Variants in STK3 observed in about 807,000 individuals in gnomAD.
The protein encoded by STK3 is serine/threonine-protein kinase 3.
In STK3, 41 loss-of-function variants were observed where a neutral mutation model predicts 58.0. The ratio of observed to expected loss-of-function variants is 0.71; its 90% CI spans 0.55 to 0.92. STK3 has a LOEUF of 0.92. STK3 is among the 40% of genes least tolerant of loss of function. STK3 has a pLI of 0.00. For missense variants in STK3, 479 were observed against 602.7 expected (o/e 0.79, Z 2.15); for synonymous variants, 170 against 191.0 (o/e 0.89, Z 0.91).
chr8:98,410,076 A>C (rs1336105531), intron 3 of STK3, among the ~76,000 whole-genome samples: 1 of 152,170 alleles, frequency 6.6e-6, no homozygotes, highest in East Asian at 1.9e-4. Flanking sequence ...AAAGGGGAAA[A>C]ATTAAAAACC....
At chr8:98,479,961 C>CT (rs1333966843) in intron 10 of STK3, among the ~76,000 whole-genome samples, 1 of 151,922 alleles carries the variant, frequency 6.6e-6, no homozygotes, top group Admixed American at 6.6e-5. Flanking sequence ...AAATAAAAAG[C>CT]TTACTGGATA....
intron 10 of STK3, among the ~76,000 whole-genome samples, chr8:98,497,804 C>A (rs1823254425): frequency 6.6e-6 from 1 of 152,060 alleles, no homozygotes; most frequent in African/African-American, 2.4e-5. Flanking sequence ...GCAAGTGTTG[C>A]GAGGATGTAG....
At chr8:98,882,941 C>G (rs1837852563), downstream of STK3, 1 of 152,180 alleles carries the variant, frequency 6.6e-6, no homozygotes. Flanking sequence ...TAAGCCTTAT[C>G]TGGGAACCAC....
chr8:98,600,254 A>G (rs1215475451), intron 6 of STK3, among the ~76,000 whole-genome samples: 3 of 152,198 alleles, frequency 2.0e-5, no homozygotes, highest in South Asian at 2.1e-4. Flanking sequence ...AGCAAATAAG[A>G]GAACCAGCTC....
Position 98,428,162 on chromosome 8 carries a change from C to T in STK3, n.483+5965G>A, listed in dbSNP as rs903547147. The T allele has an allele frequency of 1.2e-6, 2 of 1,614,110 alleles. No homozygotes were observed. Among genetic ancestry groups the T allele is most frequent in the East Asian group, 2.2e-5 (1 of 44,866 alleles). ...AGGCCATTCTGGAGCTCTGCGATGA[C>T]TACGACGACGTCCAGCGGGAGTTCT... On this transcript the variant is annotated intron_variant and non_coding_transcript_variant, in intron 3 of 3. Transcript: ENST00000517832. The surrounding 1 kb of genome is among the most constrained non-coding windows in gnomAD (Gnocchi z 6.7).
At chr8:98,743,520 C>T (rs1348514955) in intron 4 of STK3, among the ~76,000 whole-genome samples, 1 of 152,144 alleles carries the variant, frequency 6.6e-6, no homozygotes, top group Non-Finnish European at 1.5e-5. Flanking sequence ...GCTGGGAAAA[C>T]TGGCTAGCGA....
chr8:98,765,498 A>G (rs547655382), intron 3 of STK3, among the ~76,000 whole-genome samples: 1 of 152,272 alleles, frequency 6.6e-6, no homozygotes, highest in South Asian at 2.1e-4. Context: ...CCCTGAATTG[A>G]TAAGGGGAGA....
At chr8:98,470,465 C>T (rs1465156072) in intron 10 of STK3, among the ~76,000 whole-genome samples, 1 of 152,178 alleles carries the variant, frequency 6.6e-6, no homozygotes, top group Non-Finnish European at 1.5e-5. Flanking sequence ...TGTTCACTGC[C>T]TCATCTCACC....
chr8:98,740,991 A>C (rs1331363615), intron 4 of STK3, among the ~76,000 whole-genome samples: 2 of 152,190 alleles, frequency 1.3e-5, no homozygotes, highest in Non-Finnish European at 2.9e-5. Context: ...ATCAAAAGAG[A>C]CAAAGAAGGC....
At chr8:98,573,638 T>C (rs1813146298) in intron 8 of STK3, among the ~76,000 whole-genome samples, 1 of 151,994 alleles carries the variant, frequency 6.6e-6, no homozygotes, top group Non-Finnish European at 1.5e-5. Context: ...CAATCATGCC[T>C]TTCCAACAGT....
chr8:98,714,576 G>T (rs576136520), intron 4 of STK3, among the ~76,000 whole-genome samples: 4 of 152,062 alleles, frequency 2.6e-5, no homozygotes, highest in African/African-American at 9.7e-5. Context: ...AACTTACAAG[G>T]GACATGAAGG....
At chr8:98,906,215 C>T (rs1838893451) in intron 1 of STK3, 2 of 152,662 alleles carry the variant, frequency 1.3e-5, no homozygotes, top group Admixed American at 1.3e-4. Flanking sequence ...AAAAACAGGG[C>T]AGCACCATGA....
chr8:98,849,054 G>A (rs748455600), intron 3 of STK3, among the ~76,000 whole-genome samples: 25 of 151,922 alleles, frequency 1.6e-4, no homozygotes, highest in South Asian at 1.0e-3. Context: ...GTGAAACCCC[G>A]TCTCTACTAA....
chr8:98,916,315 G>A (rs1409806824), intron 1 of STK3, among the ~76,000 whole-genome samples: 1 of 152,192 alleles, frequency 6.6e-6, no homozygotes, highest in Non-Finnish European at 1.5e-5. Flanking sequence ...TTGGGAGGCT[G>A]AGACAGGAGA....
the STK3 span, among the ~76,000 whole-genome samples, chr8:98,358,955 G>A: frequency 6.6e-6 from 1 of 152,106 alleles, no homozygotes; most frequent in African/African-American, 2.4e-5. Flanking sequence ...ACATGCTCAT[G>A]GAATCCAAGC....
At chr8:98,792,495 G>A (rs777346308) in intron 1 of STK3, among the ~76,000 whole-genome samples, 3 of 152,116 alleles carry the variant, frequency 2.0e-5, no homozygotes, top group Non-Finnish European at 4.4e-5. Context: ...TTGGGAGTTC[G>A]AGACCAGGCT....
chr8:98,608,708 T>A (rs1816951048), intron 6 of STK3, among the ~76,000 whole-genome samples: 1 of 152,180 alleles, frequency 6.6e-6, no homozygotes, highest in South Asian at 2.1e-4. Context: ...CTAAAAAATA[T>A]ACCTGGTCCT....
intron 10 of STK3, among the ~76,000 whole-genome samples, chr8:98,486,595 G>A (rs1385252669): frequency 6.6e-6 from 1 of 152,128 alleles, no homozygotes; most frequent in Non-Finnish European, 1.5e-5. Context: ...AGGACCCAGT[G>A]GTATCATTTG....
intron 2 of STK3, among the ~76,000 whole-genome samples, chr8:98,767,988 C>T (rs1201095096): frequency 6.6e-6 from 1 of 152,216 alleles, no homozygotes; most frequent in African/African-American, 2.4e-5. Context: ...GTCTAATAGT[C>T]ACTTGCCCAA....
Sources: allele counts gnomAD v4.1 joint callset (sites outside exome capture counted in the v4.1 genomes callset), GRCh38; gene constraint gnomAD v4.1.1; non-coding constraint Gnocchi (gnomAD v3.1); transcripts MANE v1.5; gene names NCBI Gene and HGNC (gene_info 2026-07-23, HGNC 2026-07-21).